DNAAF1: variants seen among roughly 807,000 people sequenced by gnomAD.
DNAAF1 encodes the protein dynein axonemal assembly factor 1, also known as dynein assembly factor 1, axonemal.
In DNAAF1, 65 loss-of-function variants were observed where a neutral mutation model predicts 71.1. The observed-to-expected ratio is 0.91, with a 90% confidence interval of 0.75 to 1.12. The LOEUF (loss-of-function observed/expected upper bound fraction) is 1.12. Among genes scored for constraint, DNAAF1 ranks in the 50% most tolerant of loss-of-function variants. The pLI, the probability that DNAAF1 is intolerant of heterozygous loss-of-function variation, is 0.00. For synonymous variants in DNAAF1, 414 were observed against 354.6 expected (o/e 1.17, Z -1.88); for missense variants, 1,178 against 899.8 (o/e 1.31, Z -3.96).
chr16:84,147,961 G>A (rs1220601268), intron 1 of DNAAF1, among the ~76,000 whole-genome samples: 1 of 152,164 alleles, frequency 6.6e-6, no homozygotes, highest in African/African-American at 2.4e-5. Context: ...CTAGCTACTT[G>A]GGAGGCTGAG....
At chr16:84,161,637 G>T (rs957723633) in intron 6 of DNAAF1, among the ~76,000 whole-genome samples, 1 of 151,736 alleles carries the variant, frequency 6.6e-6, no homozygotes, top group Non-Finnish European at 1.5e-5. Context: ...AAGCTCTGAG[G>T]CTCCGAAAGC....
At chr16:84,177,689 A>C in intron 11 of DNAAF1, 40 bp from the exon 12 acceptor site, 1 of 1,562,454 alleles carries the variant, frequency 6.4e-7, no homozygotes, top group Non-Finnish European at 8.8e-7. Flanking sequence ...TTGCAGTCAC[A>C]GTGACAGGGA....
intron 5 of DNAAF1, among the ~76,000 whole-genome samples, chr16:84,157,317 GTT>G (rs747131313): frequency 1.5e-3 from 224 of 151,992 alleles, no homozygotes; most frequent in Non-Finnish European, 6.3e-4. Flanking sequence ...GAGGCCAGGA[GTT>G]TGAGACCAGC....
chr16:84,174,047 T>C (rs958811463), intron 9 of DNAAF1: 53 of 270,312 alleles, frequency 2.0e-4, no homozygotes, highest in Non-Finnish European at 2.6e-4. Context: ...CATACTATTA[T>C]CATCCCAATT....
At chr16:84,158,115 G>A (rs1036719535) in intron 5 of DNAAF1, among the ~76,000 whole-genome samples, 1 of 152,150 alleles carries the variant, frequency 6.6e-6, no homozygotes, top group African/African-American at 2.4e-5. Context: ...TGAGGCAGGA[G>A]AATGGCGCGA....
intron 9 of DNAAF1, 162 bp downstream of exon 9, chr16:84,172,537 C>G (rs2088419538): frequency 6.8e-7 from 1 of 1,464,170 alleles, no homozygotes; most frequent in Non-Finnish European, 9.1e-7. Context: ...ACTCCCAGGC[C>G]TCACCCCAGG....
At chr16:84,170,415 C>G (rs537326742) in intron 8 of DNAAF1, 59 bp downstream of exon 8, 1 of 1,610,636 alleles carries the variant, frequency 6.2e-7, no homozygotes. Context: ...CCCCAGCCTT[C>G]GACTCACGTC....
At chr16:84,173,237 C>G (rs4489992) in intron 9 of DNAAF1, 469,123 of 936,222 alleles carry the variant, frequency 0.5, 116,923 homozygotes, top group South Asian at 0.56. Flanking sequence ...GCCGAGGTGG[C>G]TGGATCACGA....
Position 84,176,306 on chromosome 16 carries a change from G to A in DNAAF1, c.2065+7G>A, listed in dbSNP as rs1017112523. 1.2e-6 allele frequency: 2 copies of A among 1,613,104 alleles called. No homozygotes were observed. Among genetic ancestry groups the A allele is most frequent in the Non-Finnish European group, 1.7e-6 (2 of 1,179,952 alleles). On this transcript the variant is annotated splice_region_variant and intron_variant, in intron 11 of 11. Transcript: ENST00000378553. ...CTTGCAGCCTCTTCTCCGGGTAAGA[G>A]CGTGGGGCCGAGAGCACAGTGGAGA...
At chr16:84,162,898 C>A (rs2087783163) in intron 6 of DNAAF1, among the ~76,000 whole-genome samples, 1 of 152,192 alleles carries the variant, frequency 6.6e-6, no homozygotes, top group South Asian at 2.1e-4. Flanking sequence ...CTGGCAGCCA[C>A]TCCTCTGCTT....
chr16:84,172,061 A>G lies in DNAAF1; in HGVS notation c.1529-199A>G, dbSNP rs112089839. On this transcript the variant is annotated intron_variant, in intron 8 of 11. Coordinates refer to ENST00000378553, the MANE Select transcript of DNAAF1 (RefSeq NM_178452.6). ...CCTGGCTAATTTTTGCATTTTTAAT[A>G]GACACGGGGGTTTCACTGTGTTGGC... Among the ~76,000 whole-genome samples, 864 of 152,092 alleles carry G rather than the reference A, an allele frequency of 5.7e-3. 9 individuals are homozygous for G. Among genetic ancestry groups the G allele is most frequent in the African/African-American group, 0.02 (827 of 41,484 alleles).
chr16:84,159,846 C>A, intron 6 of DNAAF1, 50 bp downstream of exon 6: 1 of 1,602,212 alleles, frequency 6.2e-7, no homozygotes, highest in Non-Finnish European at 8.5e-7. Context: ...AGTAGTTGAC[C>A]ATGCTTAATA....
At chr16:84,151,205 C>T (rs757999151) in intron 3 of DNAAF1, among the ~76,000 whole-genome samples, 1 of 152,120 alleles carries the variant, frequency 6.6e-6, no homozygotes, top group Non-Finnish European at 1.5e-5. Context: ...TCTTCAGTAG[C>T]TGCTTGCTGA....
chr16:84,157,650 G>A (rs770000760), intron 5 of DNAAF1, among the ~76,000 whole-genome samples: 1 of 151,940 alleles, frequency 6.6e-6, no homozygotes, highest in Non-Finnish European at 1.5e-5. Flanking sequence ...GTGTGTACTA[G>A]GAAAAAAATA....
intron 6 of DNAAF1, among the ~76,000 whole-genome samples, chr16:84,161,441 A>G (rs2151240020): frequency 6.6e-6 from 1 of 152,300 alleles, no homozygotes; most frequent in Admixed American, 6.5e-5. Context: ...GCAGGAGTGC[A>G]GTGGTGCAAT....
rs2086859622 is a variant in DNAAF1 at position 84,145,574 on chromosome 16, GC to G, written c.124+16del. On this transcript the variant is annotated intron_variant, in intron 1 of 11. Transcript: ENST00000378553. ...GGGGGCTGCAAGGAAGGTGCCGACTGCCCCCCAGGGAGGGCGGTGGGCGAGG... is the reference window on the plus strand; with the variant it reads ...GGGGGCTGCAAGGAAGGTGCCGACTGCCCCCAGGGAGGGCGGTGGGCGAGG... The G allele has an allele frequency of 1.3e-6, 2 of 1,544,872 alleles. No homozygotes were observed.
chr16:84,153,781 G>A (rs1208463958), intron 3 of DNAAF1, among the ~76,000 whole-genome samples: 2 of 152,094 alleles, frequency 1.3e-5, no homozygotes, highest in African/African-American at 2.4e-5. Flanking sequence ...CTGAAAAAGA[G>A]AACAAAACAA....
At position 84,169,887 on chromosome 16, in the gene DNAAF1, G is replaced by A. The variant is rs2088232091; in HGVS notation, c.1059G>A (p.Glu353=). The A allele has an allele frequency of 6.2e-7, 1 of 1,614,016 alleles. No individual in the cohort carries two copies. Among genetic ancestry groups the A allele is most frequent in the South Asian group, 1.1e-5 (1 of 91,070 alleles). The change falls in exon 8 of 12, where the codon GAG becomes GAA. Residue 353 remains glutamate, a synonymous_variant. Coordinates refer to ENST00000378553, the MANE Select transcript of DNAAF1 (RefSeq NM_178452.6). The part of the protein sequence containing the change: ...RGEMTSSDDG[E]NVPASAEGKE... ...AGATGACATCTTCAGATGATGGTGA[G>A]AATGTGCCCGCCAGTGCGGAAGGCA...
intron 11 of DNAAF1, 52 bp from the exon 12 acceptor site, chr16:84,177,677 C>G: frequency 6.6e-7 from 1 of 1,516,828 alleles, no homozygotes; most frequent in Admixed American, 1.7e-5. Context: ...GCCCCCCTGT[C>G]CTTGCAGTCA....
Sources: allele counts gnomAD v4.1 joint callset (sites outside exome capture counted in the v4.1 genomes callset), GRCh38; gene constraint gnomAD v4.1.1; transcripts MANE v1.5; gene names NCBI Gene and HGNC (gene_info 2026-07-23, HGNC 2026-07-21).